Variants in NEK1 observed in about 807,000 individuals in gnomAD.
NEK1 encodes NIMA related kinase 1, also known as serine/threonine-protein kinase Nek1.
Under a neutral mutation model 182.1 loss-of-function variants are expected in NEK1, and 137 were observed. The observed-to-expected ratio is 0.75, with a 90% CI of 0.65 to 0.87. NEK1 has a LOEUF of 0.87. Ranked by LOEUF, NEK1 falls within the 40% of genes least tolerant of loss-of-function variation. The probability of loss-of-function intolerance (pLI) is 0.00; values close to 1 mark genes in which losing one functional copy is unlikely to be tolerated. For synonymous variants in NEK1, 513 were observed against 492.2 expected (o/e 1.04, Z -0.56); for missense variants, 1,391 against 1,494.4 (o/e 0.93, Z 1.14).
intron 35 of NEK1, among the ~76,000 whole-genome samples, chr4:169,398,661 T>C (rs1022520460): frequency 1.3e-5 from 2 of 152,202 alleles, no homozygotes; most frequent in African/African-American, 2.4e-5. Context: ...CTTGTGCTCA[T>C]TTGTCCAATT....
At chr4:169,409,487 G>A (rs1233717147) in intron 31 of NEK1, among the ~76,000 whole-genome samples, 8 of 151,872 alleles carry the variant, frequency 5.3e-5, no homozygotes, top group South Asian at 2.1e-4. Flanking sequence ...ATTCTTGGCC[G>A]GGTGCAGTGG....
At chr4:169,568,333 G>A (rs1764053475) in intron 12 of NEK1, among the ~76,000 whole-genome samples, 3 of 152,062 alleles carry the variant, frequency 2.0e-5, no homozygotes, top group Non-Finnish European at 2.9e-5. Flanking sequence ...AAACCATTTA[G>A]AATAAATAAG....
intron 19 of NEK1, among the ~76,000 whole-genome samples, chr4:169,523,212 A>G (rs964633274): frequency 2.0e-5 from 3 of 152,194 alleles, no homozygotes; most frequent in Non-Finnish European, 4.4e-5. Flanking sequence ...ACACAGTTAC[A>G]CAGGATTGTT....
chr4:169,470,237 T>C (rs1745702703), intron 26 of NEK1, among the ~76,000 whole-genome samples: 1 of 152,204 alleles, frequency 6.6e-6, no homozygotes, highest in Non-Finnish European at 1.5e-5. Context: ...GGTCTTTACA[T>C]TTTGGTATGC....
At chr4:169,422,376 A>AT (rs1373432357) in intron 31 of NEK1, among the ~76,000 whole-genome samples, 3 of 152,216 alleles carry the variant, frequency 2.0e-5, no homozygotes, top group Non-Finnish European at 2.9e-5. Flanking sequence ...TGTTGAGTAA[A>AT]TGATCCACTA....
chr4:169,546,347 CTCTT>C (rs1760446378), intron 18 of NEK1, among the ~76,000 whole-genome samples: 1 of 151,932 alleles, frequency 6.6e-6, no homozygotes, highest in Admixed American at 6.6e-5. Context: ...TGGTCTGAGA[CTCTT>C]TGTTATGATT....
chr4:169,408,065 T>C (rs1270874680), intron 31 of NEK1, among the ~76,000 whole-genome samples: 1 of 152,230 alleles, frequency 6.6e-6, no homozygotes, highest in African/African-American at 2.4e-5. Flanking sequence ...CCATGTATAT[T>C]ATAAACTAGC....
At chr4:169,596,953 A>G (rs1322396143) in intron 5 of NEK1, among the ~76,000 whole-genome samples, 2 of 152,168 alleles carry the variant, frequency 1.3e-5, no homozygotes, top group African/African-American at 4.8e-5. Context: ...AATCTCCATA[A>G]TAATTTCCAG....
At chr4:169,541,124 T>C (rs922534826) in intron 18 of NEK1, among the ~76,000 whole-genome samples, 6 of 152,064 alleles carry the variant, frequency 3.9e-5, no homozygotes, top group Admixed American at 3.3e-4. Context: ...TAATGTGGTA[T>C]TGGGCAGAAG....
At chr4:169,606,621 G>A (rs868651740) in intron 2 of NEK1, among the ~76,000 whole-genome samples, 1 of 152,108 alleles carries the variant, frequency 6.6e-6, no homozygotes. Flanking sequence ...AGTCAGATAA[G>A]TACTCCTCTC....
chr4:169,579,847 C>T (rs1766319678), intron 11 of NEK1, among the ~76,000 whole-genome samples: 1 of 151,146 alleles, frequency 6.6e-6, no homozygotes, highest in South Asian at 2.1e-4. Context: ...CACTGTCATA[C>T]CACTTCTAGC....
intron 5 of NEK1, among the ~76,000 whole-genome samples, chr4:169,594,408 A>G (rs987905821): frequency 1.3e-5 from 2 of 152,230 alleles, no homozygotes; most frequent in Non-Finnish European, 2.9e-5. Flanking sequence ...TGGCTTCTCT[A>G]TTAGAATGGT....
intron 29 of NEK1, among the ~76,000 whole-genome samples, chr4:169,433,150 C>T (rs1469463803): frequency 6.6e-6 from 1 of 152,118 alleles, no homozygotes; most frequent in African/African-American, 2.4e-5. Context: ...ATCTCTGCCT[C>T]CTGGATTCAA....
chr4:169,535,038 G>A (rs1450085268), intron 19 of NEK1, among the ~76,000 whole-genome samples: 1 of 152,136 alleles, frequency 6.6e-6, no homozygotes, highest in Non-Finnish European at 1.5e-5. Flanking sequence ...TTCAATCTCT[G>A]GCTGGGCACA....
intron 9 of NEK1, among the ~76,000 whole-genome samples, chr4:169,586,122 T>C (rs868287713): frequency 3.3e-5 from 5 of 152,012 alleles, no homozygotes; most frequent in Admixed American, 2.6e-4. Context: ...TTAAACACAA[T>C]ATAAACTTTA....
At chr4:169,534,070 T>C (rs10028850) in intron 19 of NEK1, among the ~76,000 whole-genome samples, 13,557 of 152,202 alleles carry the variant, frequency 0.089, 796 homozygotes, top group African/African-American at 0.16. Context: ...AGTAGGAAGA[T>C]AATAAAGCAG....
At chr4:169,590,677 G>T (rs1208732105) in intron 6 of NEK1, 49 bp downstream of exon 6, 4 of 1,379,746 alleles carry the variant, frequency 2.9e-6, no homozygotes, top group Non-Finnish European at 1.0e-6. Context: ...AACAATGAAG[G>T]TTCCATGTCT....
At position 169,493,908 on chromosome 4, in the gene NEK1, G is replaced by C. The variant is rs867079616; in HGVS notation, c.2007+13129C>G. Reference sequence around the variant, plus strand: ...GAAAAATTTCCCCAATCTTCCAAGAGAGGTTGATATGCAGACACAAGAAAT... The same window carrying C: ...GAAAAATTTCCCCAATCTTCCAAGACAGGTTGATATGCAGACACAAGAAAT... On this transcript the variant is annotated intron_variant, in intron 23 of 35. Transcript: ENST00000507142. 2.0e-5 allele frequency among the ~76,000 whole-genome samples: 3 copies of C among 152,288 alleles called. No homozygotes were observed. The South Asian group carries it at 6.2e-4, about 32-fold the overall frequency.
chr4:169,488,700 G>T (rs1175478509), intron 23 of NEK1, among the ~76,000 whole-genome samples: 3 of 152,082 alleles, frequency 2.0e-5, no homozygotes, highest in Non-Finnish European at 4.4e-5. Context: ...AATATTTTAG[G>T]GGGCTTAATA....
Sources: allele counts gnomAD v4.1 joint callset (sites outside exome capture counted in the v4.1 genomes callset), GRCh38; gene constraint gnomAD v4.1.1; transcripts MANE v1.5; gene names NCBI Gene and HGNC (gene_info 2026-07-23, HGNC 2026-07-21).